The following DLGAP1 variants were observed in gnomAD, a reference collection of about 807,000 sequenced individuals.
DLGAP1 encodes the protein disks large-associated protein 1.
In DLGAP1, 11 loss-of-function variants were observed where a neutral mutation model predicts 90.8. The observed-to-expected ratio is 0.12, with a 90% CI of 0.08 to 0.20. DLGAP1 has a LOEUF of 0.20. Among genes scored for constraint, DLGAP1 ranks in the 10% least tolerant of loss-of-function variants. DLGAP1 has a pLI of 1.00. For missense variants in DLGAP1, 1,050 were observed against 1,333.8 expected (o/e 0.79, Z 3.31); for synonymous variants, 558 against 540.7 (o/e 1.03, Z -0.44).
chr18:3,805,248 A>C (rs2066510652), intron 5 of DLGAP1, among the ~76,000 whole-genome samples: 1 of 152,244 alleles, frequency 6.6e-6, no homozygotes, highest in South Asian at 2.1e-4. Context: ...GCGTGATGTT[A>C]CTTCCCATAC....
chr18:3,582,616 G>A (rs2055588369), intron 7 of DLGAP1, among the ~76,000 whole-genome samples: 1 of 152,098 alleles, frequency 6.6e-6, no homozygotes, highest in Non-Finnish European at 1.5e-5. Context: ...TGTCTTCAGG[G>A]AAAAAACTAA....
chr18:4,025,660 A>C (rs1027334130), intron 2 of DLGAP1, among the ~76,000 whole-genome samples: 4 of 152,168 alleles, frequency 2.6e-5, no homozygotes, highest in Non-Finnish European at 4.4e-5. Flanking sequence ...GTAAGTTTCC[A>C]GAGTTTAGAT....
chr18:4,173,677 A>G (rs1296535641), intron 1 of DLGAP1, among the ~76,000 whole-genome samples: 1 of 152,212 alleles, frequency 6.6e-6, no homozygotes, highest in Non-Finnish European at 1.5e-5. Context: ...CTCAGTAAAA[A>G]GGAGGAAGAG....
chr18:3,689,802 T>C (rs1346745153), intron 7 of DLGAP1, among the ~76,000 whole-genome samples: 1 of 152,224 alleles, frequency 6.6e-6, no homozygotes, highest in African/African-American at 2.4e-5. Context: ...TTTGGAAAAT[T>C]CTGGATCAAT....
intron 3 of DLGAP1, among the ~76,000 whole-genome samples, chr18:3,883,185 G>A (rs1460976904): frequency 6.6e-6 from 1 of 152,132 alleles, no homozygotes; most frequent in Non-Finnish European, 1.5e-5. Context: ...CGGAGGTTGC[G>A]GCAAGCCGAG....
At chr18:4,197,920 A>G (rs1027617164) in intron 1 of DLGAP1, among the ~76,000 whole-genome samples, 1 of 152,110 alleles carries the variant, frequency 6.6e-6, no homozygotes, top group African/African-American at 2.4e-5. Context: ...GTGGAAAAAG[A>G]TGTTTAAACC....
chr18:3,581,814 A>T (rs2055538387), intron 8 of DLGAP1, 61 bp downstream of exon 8: 1 of 1,578,854 alleles, frequency 6.3e-7, no homozygotes, highest in South Asian at 1.1e-5. Flanking sequence ...GGGGAAACAA[A>T]AAGTGTTACA....
chr18:4,173,893 A>G (rs1402846814), intron 1 of DLGAP1, among the ~76,000 whole-genome samples: 2 of 152,104 alleles, frequency 1.3e-5, no homozygotes, highest in African/African-American at 4.8e-5. Flanking sequence ...GGATCCACTC[A>G]TGGTTTCTAC....
In DLGAP1 at chr18:4,309,611, A is replaced by G. The variant is rs553348752; in HGVS notation, c.-267+145395T>C. Among the ~76,000 whole-genome samples the G allele has an allele frequency of 3.9e-5, 6 of 152,294 alleles. No individual in the cohort carries two copies. The South Asian group carries it at 6.2e-4, about 16-fold the overall frequency. ...CCCATTTTTTTTCTTCCTTAGTCCA[A>G]TGCCCACTGTCAGTGGAGAAGGAAA... On this transcript the variant is annotated intron_variant, in intron 1 of 12. Coordinates refer to ENST00000315677, the MANE Select transcript of DLGAP1 (RefSeq NM_004746.4).
At chr18:3,874,180 C>T (rs2070921057) in intron 4 of DLGAP1, 1 of 1,550,006 alleles carries the variant, frequency 6.5e-7, no homozygotes, top group South Asian at 1.2e-5. Flanking sequence ...TTTCTTGAAA[C>T]TTGCACACAA....
At chr18:4,299,256 G>A (rs1043105993) in intron 1 of DLGAP1, among the ~76,000 whole-genome samples, 1 of 152,086 alleles carries the variant, frequency 6.6e-6, no homozygotes, top group African/African-American at 2.4e-5. Context: ...CTGTTCATAT[G>A]TTTCTAGTAA....
At chr18:3,656,031 G>T (rs892533709) in intron 7 of DLGAP1, 4 of 1,494,338 alleles carry the variant, frequency 2.7e-6, no homozygotes, top group Non-Finnish European at 2.7e-6. Flanking sequence ...TACAAGCCAC[G>T]CTATGCAACC....
intron 1 of DLGAP1, among the ~76,000 whole-genome samples, chr18:4,209,301 C>T (rs935775278): frequency 5.9e-5 from 9 of 152,080 alleles, no homozygotes; most frequent in Admixed American, 1.3e-4. Context: ...CCAAAAGAGA[C>T]AAACTGAAGT....
At chr18:3,981,119 T>C (rs1317735689) in intron 3 of DLGAP1, among the ~76,000 whole-genome samples, 1 of 152,088 alleles carries the variant, frequency 6.6e-6, no homozygotes, top group Admixed American at 6.5e-5. Flanking sequence ...AAAAGTAGGA[T>C]TGTTTGTCTC....
intron 5 of DLGAP1, among the ~76,000 whole-genome samples, chr18:3,784,029 T>C (rs1335106758): frequency 1.3e-5 from 2 of 152,222 alleles, no homozygotes; most frequent in African/African-American, 4.8e-5. Flanking sequence ...TCTCTCTGTA[T>C]GCTGATCTTG....
At chr18:4,429,673 A>T (rs1471487842) in intron 1 of DLGAP1, among the ~76,000 whole-genome samples, 1 of 152,174 alleles carries the variant, frequency 6.6e-6, no homozygotes, top group Non-Finnish European at 1.5e-5. Context: ...GCTGCTCATG[A>T]TCTTGTAAAG....
chr18:4,308,119 C>T (rs1048746029), intron 1 of DLGAP1, among the ~76,000 whole-genome samples: 2 of 152,154 alleles, frequency 1.3e-5, no homozygotes, highest in Non-Finnish European at 2.9e-5. Flanking sequence ...TTCACTTATG[C>T]ACAAGAGGAA....
intron 1 of DLGAP1, among the ~76,000 whole-genome samples, chr18:4,287,462 C>T (rs1397773730): frequency 6.6e-6 from 1 of 152,102 alleles, no homozygotes; most frequent in Non-Finnish European, 1.5e-5. Context: ...ACCCAAATGC[C>T]CATCAATGGA....
At chr18:3,615,276 T>C (rs2057812029) in intron 7 of DLGAP1, among the ~76,000 whole-genome samples, 1 of 152,132 alleles carries the variant, frequency 6.6e-6, no homozygotes. Context: ...TTGGTGGTAT[T>C]TGAGTAAATG....
Sources: gnomAD v4.1 joint callset for allele counts (sites outside exome capture counted in the v4.1 genomes callset) on GRCh38, gnomAD v4.1.1 for gene constraint, MANE v1.5 for transcripts, NCBI Gene and HGNC (gene_info 2026-07-23, HGNC 2026-07-21) for gene names.